The following CCDC14 variants were observed in gnomAD, a reference collection of about 807,000 sequenced individuals.
CCDC14 encodes the protein coiled-coil domain containing 14.
A neutral mutation model predicts 81.4 loss-of-function variants in CCDC14; 71 were observed. That is an observed-to-expected ratio of 0.87 (90% CI 0.72 to 1.06). CCDC14 has a LOEUF of 1.06. Ranked by LOEUF, CCDC14 falls within the 50% of genes least tolerant of loss-of-function variation. The probability of loss-of-function intolerance (pLI) is 0.00; values close to 1 mark genes in which losing one functional copy is unlikely to be tolerated. For missense variants in CCDC14, 1,046 were observed against 1,047.3 expected (o/e 1.00, Z 0.02); for synonymous variants, 332 against 364.8 (o/e 0.91, Z 1.03).
Position 123,913,880 on chromosome 3 carries a change from G to A in CCDC14, c.*899C>T, listed in dbSNP as rs1040121531. On this transcript the variant is annotated 3_prime_UTR_variant, in exon 13 of 13. Transcript: ENST00000409697. ...ATGAAGGGAGATGATACTGAGCTAA[G>A]AAGTCCTGGTATAGAGAAGCAGAGA... The A allele has an allele frequency of 4.4e-5, 43 of 985,254 alleles. No individual in the cohort carries two copies. The highest frequency in any genetic ancestry group is 1.1e-5 in the Non-Finnish European group (9 of 829,886). 61.0% of individuals were successfully genotyped at this position (985,254 alleles called of 1,614,324 possible).
chr3:123,955,732 CCTAA>C (rs1559808005), intron 5 of CCDC14, 107 bp downstream of exon 5: 6 of 989,774 alleles, frequency 6.1e-6, no homozygotes, highest in East Asian at 5.7e-5. Flanking sequence ...CACACATAAA[CCTAA>C]CTAATACTGA....
chr3:123,928,736 C>T lies in CCDC14; in HGVS notation c.1778+2366G>A, dbSNP rs1358501927. On this transcript the variant is annotated intron_variant, in intron 12 of 12. Transcript: ENST00000409697. ...TACCTCCCAGGTAAAAAAATTATAACGTTTACTTAGGCTAAATCAGGCATG... is the reference window on the plus strand; with the variant it reads ...TACCTCCCAGGTAAAAAAATTATAATGTTTACTTAGGCTAAATCAGGCATG... Among the ~76,000 whole-genome samples, 11 of 152,106 alleles carry T rather than the reference C, an allele frequency of 7.2e-5. No individual in the cohort carries two copies. In the South Asian group the frequency reaches 1.5e-3, roughly 20 times the overall value.
rs1303703349 is a variant in CCDC14, at chr3:123,931,292, C to T, written c.1645+16G>A. 3.2e-6 allele frequency: 5 copies of T among 1,566,146 alleles called. No individual in the cohort carries two copies. The highest frequency in any genetic ancestry group is 1.2e-5 in the South Asian group (1 of 84,498). On this transcript the variant is annotated intron_variant, in intron 11 of 12. Transcript: ENST00000409697. ...CTTTTAAAAGATGTGACCATAACTA[C>T]TGTCTAAATACGTACCAATTTTTAT...
intron 12 of CCDC14, among the ~76,000 whole-genome samples, chr3:123,916,949 C>T (rs1248111625): frequency 6.6e-6 from 1 of 151,926 alleles, no homozygotes; most frequent in Non-Finnish European, 1.5e-5. Context: ...TCATGCCATT[C>T]TCCTGCCTCA....
chr3:123,953,280 A>C (rs1340223887), intron 5 of CCDC14: 1 of 152,306 alleles, frequency 6.6e-6, no homozygotes, highest in Non-Finnish European at 1.5e-5. Flanking sequence ...TGCAGTGAGC[A>C]ACCTTGAAGG....
chr3:123,961,221 G>T lies in CCDC14; in HGVS notation c.-48C>A. 1 of 1,551,484 alleles carries T rather than the reference G, an allele frequency of 6.4e-7. No homozygotes were observed. The highest frequency in any genetic ancestry group is 1.4e-5 in the African/African-American group (1 of 73,164). On this transcript the variant is annotated 5_prime_UTR_variant, in exon 1 of 13. Coordinates refer to ENST00000409697, the MANE Select transcript of CCDC14 (RefSeq NM_001366335.1). The stretch of plus-strand genomic sequence containing the variant: ...CAGACCGAGGGAAGTGAAGCCTCAC[G>T]GTAAAAAGAATTAACCGCCGTGGGC...
chr3:123,941,251 C>T (rs1044200935), intron 9 of CCDC14, among the ~76,000 whole-genome samples: 2 of 152,056 alleles, frequency 1.3e-5, no homozygotes, highest in East Asian at 1.9e-4. Context: ...AGGCTAAATG[C>T]TGAATAACTA....
intron 5 of CCDC14, among the ~76,000 whole-genome samples, chr3:123,907,585 G>T (rs998117148): frequency 4.6e-5 from 7 of 151,610 alleles, no homozygotes; most frequent in African/African-American, 1.7e-4. Flanking sequence ...GGGCGTGGTT[G>T]TACACTCTTG....
At chr3:123,919,622 A>G (rs1285087901) in intron 12 of CCDC14, among the ~76,000 whole-genome samples, 1 of 152,214 alleles carries the variant, frequency 6.6e-6, no homozygotes, top group Non-Finnish European at 1.5e-5. Flanking sequence ...AAGATCATGG[A>G]GTACAGTCAA....
In CCDC14 at chr3:123,905,474, G is replaced by A. The variant is rs185291971; in HGVS notation, c.668-7861C>T. Among the ~76,000 whole-genome samples the A allele has an allele frequency of 1.9e-3, 294 of 152,208 alleles. 2 individuals are homozygous for A. Among genetic ancestry groups the A allele is most frequent in the Non-Finnish European group, 2.4e-3 (165 of 68,020 alleles). On this transcript the variant is annotated intron_variant, in intron 5 of 5. Transcript: ENST00000479903. ...CGGCTAACAACAGGTGCAGAAGAAT[G>A]TCTTGACTCCTGAGCAGGCCTAATC...
At chr3:123,905,233 T>C (rs780011284) in intron 5 of CCDC14, among the ~76,000 whole-genome samples, 51 of 152,060 alleles carry the variant, frequency 3.4e-4, no homozygotes, top group Non-Finnish European at 5.9e-4. Context: ...CAGGAAGTGA[T>C]TGGTTACCAG....
chr3:123,924,912 C>CAT (rs79944151), intron 12 of CCDC14, among the ~76,000 whole-genome samples: 7,718 of 148,452 alleles, frequency 0.052, 288 homozygotes, highest in South Asian at 0.11. Flanking sequence ...TGTACATATC[C>CAT]ATATATATAT....
chr3:123,926,683 A>T (rs1359303692), intron 12 of CCDC14, among the ~76,000 whole-genome samples: 1 of 151,904 alleles, frequency 6.6e-6, no homozygotes, highest in Non-Finnish European at 1.5e-5. Context: ...ACACAGGCAC[A>T]TTTAAAATCA....
At chr3:123,890,538 T>A in the CCDC14 span, among the ~76,000 whole-genome samples, 1 of 152,180 alleles carries the variant, frequency 6.6e-6, no homozygotes, top group African/African-American at 2.4e-5. Context: ...ATAGGCCCCA[T>A]GCAAGTCCGA....
chr3:123,958,930 T>A (rs2037503475), intron 1 of CCDC14: 1 of 152,222 alleles, frequency 6.6e-6, no homozygotes, highest in African/African-American at 2.4e-5. Flanking sequence ...TCACTTAGCA[T>A]AATGTCTTCA....
chr3:123,946,293 G>C (rs927672586), intron 8 of CCDC14, among the ~76,000 whole-genome samples: 6 of 151,828 alleles, frequency 4.0e-5, no homozygotes, highest in African/African-American at 1.2e-4. Flanking sequence ...ATCTGGCTCA[G>C]AAACACCTTG....
chr3:123,931,013 G>C (rs2035668318), intron 12 of CCDC14, 89 bp downstream of exon 12: 1 of 1,086,720 alleles, frequency 9.2e-7, no homozygotes, highest in Non-Finnish European at 1.3e-6. Context: ...AAGATATGGG[G>C]GAGAAAACAG....
chr3:123,953,380 C>G (rs1220289385), intron 5 of CCDC14: 1 of 152,288 alleles, frequency 6.6e-6, no homozygotes, highest in African/African-American at 2.4e-5. Flanking sequence ...TGTTCCTCAG[C>G]TGCAACCTAA....
chr3:123,887,149 A>G, the CCDC14 span, among the ~76,000 whole-genome samples: 1 of 152,294 alleles, frequency 6.6e-6, no homozygotes, highest in Admixed American at 6.5e-5. Flanking sequence ...TATCTAAATT[A>G]TCAGCTTCTA....
Sources: allele counts gnomAD v4.1 joint callset (sites outside exome capture counted in the v4.1 genomes callset), GRCh38; gene constraint gnomAD v4.1.1; transcripts MANE v1.5; gene names NCBI Gene and HGNC (gene_info 2026-07-23, HGNC 2026-07-21).